The following WRN variants were observed in gnomAD, a reference collection of about 807,000 sequenced individuals.
WRN encodes the protein bifunctional 3'-5' exonuclease/ATP-dependent helicase WRN.
A neutral mutation model predicts 180.7 loss-of-function variants in WRN; 149 were observed. The observed-to-expected ratio is 0.82, with a 90% CI of 0.72 to 0.94. The LOEUF is 0.94. Among genes scored for constraint, WRN ranks in the 40% least tolerant of loss-of-function variants. WRN has a pLI of 0.00. For missense variants in WRN, 1,661 were observed against 1,700.1 expected (o/e 0.98, Z 0.40); for synonymous variants, 548 against 568.9 (o/e 0.96, Z 0.52).
chr8:31,080,597 T>C (rs562509116), intron 8 of WRN, among the ~76,000 whole-genome samples: 10 of 151,746 alleles, frequency 6.6e-5, no homozygotes, highest in African/African-American at 1.9e-4. Flanking sequence ...AAAAAACATA[T>C]AGTTGACATA....
rs1378426781 is a variant in WRN, at chr8:31,053,681, G to GAAAATACAT, written c.-76-4690_-76-4682dup. 2.0e-5 allele frequency among the ~76,000 whole-genome samples: 3 copies of GAAAATACAT among 152,188 alleles called. No individual in the cohort carries two copies. In the East Asian group the frequency reaches 5.8e-4, roughly 29 times the overall value. ...AATAAAAAAATGCAGTGATCATGTGGAAAATACATTAAGGTATATGACAGA... is the reference window on the plus strand; with the variant it reads ...AATAAAAAAATGCAGTGATCATGTGGAAAATACATAAAATACATTAAGGTATATGACAGA... On this transcript the variant is annotated intron_variant, in intron 1 of 34. Transcript: ENST00000298139.
At chr8:31,046,159 T>G (rs1201265002) in intron 1 of WRN, among the ~76,000 whole-genome samples, 4 of 152,192 alleles carry the variant, frequency 2.6e-5, no homozygotes, top group African/African-American at 9.7e-5. Context: ...TGAGATAGGA[T>G]AATAATTTAT....
chr8:31,133,368 A>C (rs925925725), intron 24 of WRN, among the ~76,000 whole-genome samples: 4 of 152,142 alleles, frequency 2.6e-5, no homozygotes, highest in African/African-American at 9.7e-5. Context: ...AAATACTCGA[A>C]TGCTTCATGT....
At chr8:31,037,571 T>C (rs1279224722) in intron 1 of WRN, among the ~76,000 whole-genome samples, 1 of 152,206 alleles carries the variant, frequency 6.6e-6, no homozygotes, top group East Asian at 1.9e-4. Flanking sequence ...CTGTATGTGG[T>C]GAGAGATAAT....
chr8:31,087,735 T>A, intron 11 of WRN, 41 bp from the exon 12 acceptor site: 2 of 1,590,360 alleles, frequency 1.3e-6, no homozygotes, highest in Non-Finnish European at 1.7e-6. Flanking sequence ...GATACGACAC[T>A]GTCAGTGGTT....
chr8:31,076,214 T>G lies in WRN; in HGVS notation c.766T>G (p.Ser256Ala). Residue 256 changes from serine (S) to alanine (A), a missense_variant, in exon 8 of 35, where the codon TCA becomes GCA. By Grantham distance (99) the Ser-to-Ala change is moderately conservative. This residue lies in a region of WRN where 500 missense variants were observed against 504.1 expected (regional missense o/e 0.99). Transcript: ENST00000298139. ...TAGCGACATGAACAAACAGTTGACT[T>G]CAATCTCTGAGGAAGTGATGGATCT... ...LLSDMNKQLTSISEEVMDLAK... is the reference protein window; with the variant it reads ...LLSDMNKQLTAISEEVMDLAK... 3.1e-6 allele frequency: 5 copies of G among 1,613,956 alleles called. No individual in the cohort carries two copies. The highest frequency in any genetic ancestry group is 4.2e-6 in the Non-Finnish European group (5 of 1,179,934).
rs747115098 is a variant in WRN, at chr8:31,120,426, T to TA, written c.2630+10dup. On this transcript the variant is annotated splice_region_variant and intron_variant, in intron 21 of 34. Coordinates refer to ENST00000298139, the MANE Select transcript of WRN (RefSeq NM_000553.6). The stretch of plus-strand genomic sequence containing the variant: ...TCCTGCAGACATTAACTTAAATAGG[T>TA]AAAAAAAATTTATTGTTTTTACTCT... 8.7e-6 allele frequency: 14 copies of TA among 1,610,078 alleles called. No individual in the cohort carries two copies. The highest frequency in any genetic ancestry group is 6.7e-5 in the Admixed American group (4 of 59,500).
At chr8:31,085,287 C>T (rs1463578828) in intron 11 of WRN, 41 bp downstream of exon 11, 2 of 1,606,144 alleles carry the variant, frequency 1.2e-6, no homozygotes, top group Non-Finnish European at 1.7e-6. Flanking sequence ...AAGTTCTTTC[C>T]AAAGGACATT....
intron 1 of WRN, among the ~76,000 whole-genome samples, chr8:31,056,251 A>G (rs565470917): frequency 1.3e-5 from 2 of 152,314 alleles, no homozygotes; most frequent in Admixed American, 6.5e-5. Context: ...CATTTTGCCA[A>G]TGAGGTCTAC....
At chr8:31,169,995 T>G (rs937312183) in intron 34 of WRN, among the ~76,000 whole-genome samples, 1 of 152,148 alleles carries the variant, frequency 6.6e-6, no homozygotes, top group African/African-American at 2.4e-5. Flanking sequence ...CTCTCATTAA[T>G]CTGTCTTTCC....
chr8:31,101,685 G>T (rs1367344859), intron 18 of WRN, among the ~76,000 whole-genome samples: 1 of 151,272 alleles, frequency 6.6e-6, no homozygotes, highest in African/African-American at 2.4e-5. Context: ...TACTTGGGAG[G>T]CTGAGGCAGG....
At chr8:31,085,836 C>G (rs1011400018) in intron 11 of WRN, among the ~76,000 whole-genome samples, 1 of 152,010 alleles carries the variant, frequency 6.6e-6, no homozygotes, top group Admixed American at 6.6e-5. Context: ...ATTTGGCTCT[C>G]CAGTATTGAA....
intron 1 of WRN, among the ~76,000 whole-genome samples, chr8:31,054,635 A>G (rs1291188525): frequency 1.3e-5 from 2 of 152,362 alleles, no homozygotes; most frequent in Middle Eastern, 6.8e-3. Context: ...GATTTCAGGA[A>G]AAGTCCAAAG....
chr8:31,075,288 A>T (rs1563335347), intron 7 of WRN, among the ~76,000 whole-genome samples: 1 of 152,200 alleles, frequency 6.6e-6, no homozygotes, highest in East Asian at 1.9e-4. Context: ...AAGAGAAATG[A>T]TGATGAATAA....
At chr8:31,079,611 A>G (rs1813222616) in intron 8 of WRN, among the ~76,000 whole-genome samples, 1 of 152,208 alleles carries the variant, frequency 6.6e-6, no homozygotes, top group South Asian at 2.1e-4. Flanking sequence ...AAAATGTTAT[A>G]CATTAGCAAC....
At chr8:31,091,656 A>C (rs1232327503) in intron 15 of WRN, among the ~76,000 whole-genome samples, 174 bp from the exon 16 acceptor site, 2 of 152,108 alleles carry the variant, frequency 1.3e-5, no homozygotes, top group Non-Finnish European at 2.9e-5. Flanking sequence ...AAAAACTTGC[A>C]TTCTGATAAG....
intron 26 of WRN, among the ~76,000 whole-genome samples, chr8:31,142,297 C>T (rs1802671057): frequency 6.6e-6 from 1 of 152,128 alleles, no homozygotes; most frequent in East Asian, 1.9e-4. Flanking sequence ...ATTTAGAAAA[C>T]TTCTTTCTCA....
intron 3 of WRN, among the ~76,000 whole-genome samples, chr8:31,061,030 C>T (rs1433884147): frequency 6.6e-6 from 1 of 152,132 alleles, no homozygotes; most frequent in Non-Finnish European, 1.5e-5. Context: ...TGAAAAATGT[C>T]TTCAGATCCT....
At chr8:31,163,752 A>G (rs1044459169) in intron 33 of WRN, among the ~76,000 whole-genome samples, 1 of 152,120 alleles carries the variant, frequency 6.6e-6, no homozygotes, top group Non-Finnish European at 1.5e-5. Flanking sequence ...CGGTTAATAC[A>G]CTGTATGTAG....
Sources: allele counts gnomAD v4.1 joint callset (sites outside exome capture counted in the v4.1 genomes callset), GRCh38; gene constraint gnomAD v4.1.1; regional missense constraint gnomAD v4.1.1; transcripts MANE v1.5; gene names NCBI Gene and HGNC (gene_info 2026-07-23, HGNC 2026-07-21).